The following TOP3B variants were observed in gnomAD, a reference collection of about 807,000 sequenced individuals.
The protein encoded by TOP3B is DNA topoisomerase 3-beta-1.
Under a neutral mutation model 93.9 loss-of-function variants are expected in TOP3B, and 45 were observed. The observed-to-expected ratio is 0.48, with a 90% CI of 0.38 to 0.61. The LOEUF is 0.61. TOP3B is among the 20% of genes least tolerant of loss of function. TOP3B has a pLI of 0.00. For missense variants in TOP3B, 750 were observed against 1,156.1 expected, an observed-to-expected ratio of 0.65 and a Z score of 5.09; for synonymous variants, 357 against 472.6, an observed-to-expected ratio of 0.76 and a Z score of 3.17.
chr22:21,967,941 C>T (rs1477268423), intron 7 of TOP3B: 8 of 531,138 alleles, frequency 1.5e-5, no homozygotes, highest in Non-Finnish European at 2.7e-5. Flanking sequence ...AGGAAGGTGG[C>T]CCAAAGCTGA....
Position 21,960,346 on chromosome 22 carries a change from G to C in TOP3B, c.1629C>G (p.Val543=). ...CAATCTTATAGTAGCCGTGCACCAG[G>C]ACGATGCCGAGGTTGGTGGGCTTGA... ...RRLKPTNLGI[V]LVHGYYKIDA... is the part of the protein sequence containing the mutation. The change falls in exon 14 of 18, where the codon GTC becomes GTG. Residue 543 remains valine, a synonymous_variant. Transcript: ENST00000357179. The C allele has an allele frequency of 1.2e-6, 2 of 1,613,662 alleles. No homozygotes were observed. Among genetic ancestry groups the C allele is most frequent in the Non-Finnish European group, 1.7e-6 (2 of 1,179,980 alleles).
At position 21,965,317 on chromosome 22, in the gene TOP3B, A is replaced by G; in HGVS notation, c.911T>C (p.Val304Ala). The change falls in exon 9 of 18, where the codon GTG becomes GCG. Residue 304 changes from valine to alanine, a missense_variant. Around this residue, in one of 4 missense-constraint regions of TOP3B, gnomAD observed 737 missense variants for 933.7 expected, o/e 0.79. Coordinates refer to ENST00000357179, the MANE Select transcript of TOP3B (RefSeq NM_001282112.2). Reference protein sequence around the residue: ...AKQRPLALNTVEMLRVASSSL... With the variant: ...AKQRPLALNTAEMLRVASSSL... Reference sequence around the variant, plus strand: ...AGAGCTGGCCACACGCAGCATCTCCACAGTGTTCAGGGCCAGGGGCCTCTG... The same window carrying G: ...AGAGCTGGCCACACGCAGCATCTCCGCAGTGTTCAGGGCCAGGGGCCTCTG... 6.2e-7 allele frequency: 1 copy of G among 1,608,540 alleles called. No individual in the cohort carries two copies.
At position 21,967,674 on chromosome 22, in the gene TOP3B, G is replaced by T. The variant is rs750626916; in HGVS notation, c.781C>A (p.Arg261=). ...KDRSLLLDWD[R]VRVFDREIAQ... is the part of the protein sequence containing the mutation. Reference sequence around the variant, plus strand: ...ATCTCCCGGTCAAACACTCTTACTCGGTCCCAGTCCAAAAGGAGAGATCTG... The same window carrying T: ...ATCTCCCGGTCAAACACTCTTACTCTGTCCCAGTCCAAAAGGAGAGATCTG... The change falls in exon 8 of 18, where the codon CGA becomes AGA. Residue 261 remains arginine, a synonymous_variant. Transcript: ENST00000357179. The T allele has an allele frequency of 6.2e-7, 1 of 1,614,118 alleles. No homozygotes were observed. Among genetic ancestry groups the T allele is most frequent in the African/African-American group, 1.3e-5 (1 of 75,036 alleles).
At chr22:21,972,131 T>A (rs1237518275) in intron 4 of TOP3B, 180 bp from the exon 5 acceptor site, 2 of 571,498 alleles carry the variant, frequency 3.5e-6, no homozygotes, top group Non-Finnish European at 3.1e-6. Context: ...CAGAAAAGAA[T>A]TGAGTTTATA....
chr22:21,967,025 T>C (rs1224385886), intron 8 of TOP3B: 1 of 154,252 alleles, frequency 6.5e-6, no homozygotes, highest in Non-Finnish European at 1.4e-5. Context: ...GTAGCTGTCA[T>C]GCCTGTAGCA....
rs2071058249 is a variant in TOP3B, at chr22:21,959,179, GCTTGC to G, written c.1853_1857del (p.Gly618AlafsTer29). 2 of 1,613,626 alleles carry G rather than the reference GCTTGC, an allele frequency of 1.2e-6. No individual in the cohort carries two copies. Among genetic ancestry groups the G allele is most frequent in the African/African-American group, 1.3e-5 (1 of 74,936 alleles). On this transcript the variant is annotated frameshift_variant, in exon 16 of 18. Coordinates refer to ENST00000357179, the MANE Select transcript of TOP3B (RefSeq NM_001282112.2). LOFTEE classifies it high-confidence loss of function. Reference sequence around the variant, plus strand: ...TGGCACTTCCCACAGCGTGAGAGGGGCTTGCCTGTGGCCGCCAGGGGCGAGAAAGA... The same window carrying G: ...TGGCACTTCCCACAGCGTGAGAGGGGCTGTGGCCGCCAGGGGCGAGAAAGA...
chr22:21,970,092 CCT>C lies in TOP3B; in HGVS notation c.581+116_581+117del, dbSNP rs147374642. The C allele has an allele frequency of 1.4e-3, 1,559 of 1,153,508 alleles. 15 individuals carry two copies. In the African/African-American group the frequency reaches 0.021, roughly 16 times the overall value. 71.5% of individuals were successfully genotyped at this position (1,153,508 alleles called of 1,614,324 possible). Reference sequence around the variant, plus strand: ...GCCTTCTTCAGGGTTGGTGAAATCCCCTGTTGCTCATCCTGGCTCGAGGAGGC... The same window carrying C: ...GCCTTCTTCAGGGTTGGTGAAATCCCGTTGCTCATCCTGGCTCGAGGAGGC... On this transcript the variant is annotated intron_variant, in intron 6 of 17. Transcript: ENST00000357179. This position sits in a 1 kb window ranked among gnomAD's most constrained non-coding sequence, Gnocchi z 4.4.
At chr22:21,979,802 A>C (rs368800818) in intron 1 of TOP3B, among the ~76,000 whole-genome samples, 1 of 151,874 alleles carries the variant, frequency 6.6e-6, no homozygotes, top group African/African-American at 2.4e-5. Flanking sequence ...TTAGCTGGGC[A>C]TGGTGGCAGG....
rs545252008 is a variant in TOP3B at position 21,959,834 on chromosome 22, G to A, written c.1655-98C>T. 2.2e-4 allele frequency: 326 copies of A among 1,502,830 alleles called. 3 individuals carry two copies. In the African/African-American group the frequency reaches 2.7e-3, roughly 12 times the overall value. 93.1% of individuals were successfully genotyped at this position (1,502,830 alleles called of 1,614,324 possible). A position where few individuals can be genotyped will look rare whatever the true frequency, so the allele number is the denominator to read the frequency against. Reference sequence around the variant, plus strand: ...GGATACTGCCCTGTTCACCCCTCCCGCTCTGGCCCGTCCTCCTGGCCTCTG... The same window carrying A: ...GGATACTGCCCTGTTCACCCCTCCCACTCTGGCCCGTCCTCCTGGCCTCTG... On this transcript the variant is annotated intron_variant, in intron 14 of 17. Coordinates refer to ENST00000357179, the MANE Select transcript of TOP3B (RefSeq NM_001282112.2).
chr22:21,970,353 G>A lies in TOP3B; in HGVS notation c.438C>T (p.Thr146=), dbSNP rs759408125. The A allele has an allele frequency of 1.7e-5, 27 of 1,613,872 alleles. No homozygotes were observed. The highest frequency in any genetic ancestry group is 1.5e-4 in the Admixed American group (9 of 59,984). The change falls in exon 6 of 18, where the codon ACC becomes ACT. Residue 146 remains threonine (T), a synonymous_variant. Transcript: ENST00000357179. The surrounding 1 kb of genome is among the most constrained non-coding windows in gnomAD (Gnocchi z 4.4). Reference sequence around the variant, plus strand: ...TGGAGCTAAACCTGGCCCGGAACACGGTCTTCTCGCCACCATGGGCCTTGT... The same window carrying A: ...TGGAGCTAAACCTGGCCCGGAACACAGTCTTCTCGCCACCATGGGCCTTGT... ...VMNKAHGGEK[T]VFRARFSSIT...
intron 13 of TOP3B, chr22:21,960,676 C>T (rs114080760): frequency 3.1e-5 from 18 of 572,306 alleles, no homozygotes; most frequent in Non-Finnish European, 4.9e-5. Flanking sequence ...CTGTACAGGG[C>T]GCCTACTCCT....
chr22:21,961,808 A>C, intron 13 of TOP3B: 1 of 162,432 alleles, frequency 6.2e-6, no homozygotes, highest in Non-Finnish European at 1.4e-5. Context: ...ACCTGGGGAG[A>C]AGGCTCCGGC....
rs941284342 is a variant in TOP3B, at chr22:21,967,407, G to A, written c.852+196C>T. 19 of 588,014 alleles carry A rather than the reference G, an allele frequency of 3.2e-5. No individual in the cohort carries two copies. The African/African-American group carries it at 3.5e-4, about 11-fold the overall frequency. The allele number at this position is 588,014 out of a possible 1,614,324, so 36.4% of individuals were successfully genotyped here. On this transcript the variant is annotated intron_variant, in intron 8 of 17. Coordinates refer to ENST00000357179, the MANE Select transcript of TOP3B (RefSeq NM_001282112.2). ...GTATGGAGCGGGCATGCAGTACACT[G>A]TGACTATTGCACTGGGCAGAAATAT... is the stretch of plus-strand genomic sequence containing the variant.
chr22:21,960,042 G>T (rs1191552907), intron 14 of TOP3B: 2 of 617,112 alleles, frequency 3.2e-6, no homozygotes, highest in African/African-American at 1.8e-5. Context: ...CTCTCCCCTT[G>T]GCCCCTGGGG....
At chr22:21,969,408 C>T (rs2071542973) in intron 6 of TOP3B, 1 of 152,166 alleles carries the variant, frequency 6.6e-6, no homozygotes, top group Non-Finnish European at 1.5e-5. Flanking sequence ...CGAGACCAGC[C>T]TGGCCAACAT....
At chr22:21,958,264 G>C in intron 17 of TOP3B, 1 of 1,391,190 alleles carries the variant, frequency 7.2e-7, no homozygotes, top group Non-Finnish European at 9.4e-7. Context: ...AGGTCCTGAG[G>C]GTGGACTAGG....
At chr22:21,964,487 C>T in intron 9 of TOP3B, 172 bp from the exon 10 acceptor site, 1 of 697,730 alleles carries the variant, frequency 1.4e-6, no homozygotes, top group South Asian at 1.8e-5. Context: ...GGCACCTATG[C>T]CACACAGTCT....
Position 21,967,185 on chromosome 22 carries a change from T to G in TOP3B, c.852+418A>C, listed in dbSNP as rs188011011. On this transcript the variant is annotated intron_variant, in intron 8 of 17. Coordinates refer to ENST00000357179, the MANE Select transcript of TOP3B (RefSeq NM_001282112.2). ...ATAAAAGCACGCAAGCTGATTGCAA[T>G]TGGAATCTCAAGACTTTCCCCTGCT... is the stretch of plus-strand genomic sequence containing the variant. 47 of 179,044 alleles carry G rather than the reference T, an allele frequency of 2.6e-4. 2 individuals are homozygous for G. In the East Asian group the frequency reaches 6.6e-3, roughly 25 times the overall value. 11.1% of individuals were successfully genotyped at this position (179,044 alleles called of 1,614,324 possible). A position where few individuals can be genotyped will look rare whatever the true frequency, so the allele number is the denominator to read the frequency against.
chr22:21,970,641 C>T lies in TOP3B; in HGVS notation c.385-235G>A, dbSNP rs2071600132. On this transcript the variant is annotated intron_variant, in intron 5 of 17. Transcript: ENST00000357179. The surrounding 1 kb of genome is among the most constrained non-coding windows in gnomAD (Gnocchi z 4.4). ...ACACCCCACCACATGGCTTCCTTTA[C>T]TCCCATCTAGAAACATACTCGAACA... The T allele has an allele frequency of 2.5e-5, 14 of 568,338 alleles. No homozygotes were observed. Among genetic ancestry groups the T allele is most frequent in the East Asian group, 2.3e-4 (8 of 34,416 alleles). The allele number at this position is 568,338 out of a possible 1,614,324, so 35.2% of individuals were successfully genotyped here. A position where few individuals can be genotyped will look rare whatever the true frequency, so the allele number is the denominator to read the frequency against.
Sources: gnomAD v4.1 joint callset for allele counts (sites outside exome capture counted in the v4.1 genomes callset) on GRCh38, gnomAD v4.1.1 for gene constraint, gnomAD v4.1.1 regional missense constraint, Gnocchi (gnomAD v3.1) non-coding constraint, MANE v1.5 for transcripts, NCBI Gene and HGNC (gene_info 2026-07-23, HGNC 2026-07-21) for gene names.